The following SRRM4 variants were observed in gnomAD, a reference collection of about 807,000 sequenced individuals.
SRRM4 encodes the protein serine/arginine repetitive matrix 4, also known as serine/arginine repetitive matrix protein 4.
SRRM4 carries 33 observed loss-of-function variants against 68.9 expected under a neutral mutation model. That is an observed-to-expected ratio of 0.48 (90% CI 0.36 to 0.64). SRRM4 has a LOEUF of 0.64. Ranked by LOEUF, SRRM4 falls within the 30% of genes least tolerant of loss-of-function variation. The pLI, the probability that SRRM4 is intolerant of heterozygous loss-of-function variation, is 0.00. For synonymous variants in SRRM4, 318 were observed against 318.8 expected, an observed-to-expected ratio of 1.00 and a Z score of 0.03; for missense variants, 817 against 827.1, an observed-to-expected ratio of 0.99 and a Z score of 0.15.
At chr12:119,083,789 T>C (rs1010523311) in intron 1 of SRRM4, among the ~76,000 whole-genome samples, 10 of 152,170 alleles carry the variant, frequency 6.6e-5, no homozygotes, top group African/African-American at 1.7e-4. Flanking sequence ...AGAACATTGC[T>C]AGGTGCCTAC....
chr12:119,130,551 T>C (rs1954290567), intron 7 of SRRM4, 127 bp from the exon 8 acceptor site: 1 of 835,158 alleles, frequency 1.2e-6, no homozygotes, highest in African/African-American at 1.7e-5. Flanking sequence ...AGGAACAATA[T>C]CACATATGAA....
At chr12:119,147,168 A>G (rs1954408502) in intron 9 of SRRM4, among the ~76,000 whole-genome samples, 2 of 152,346 alleles carry the variant, frequency 1.3e-5, no homozygotes, top group Non-Finnish European at 2.9e-5. Context: ...AAAGACATGG[A>G]GGAAATGTAA....
rs772511707 is a variant in SRRM4, at chr12:119,145,704, G to C, written c.1076+19G>C. On this transcript the variant is annotated intron_variant, in intron 9 of 12. Coordinates refer to ENST00000267260, the MANE Select transcript of SRRM4 (RefSeq NM_194286.4). ...AGTCAAGGTCAGTGCACCACACAGG[G>C]TCGGGGGTAGACGGTCTCCCACCTT... 6.0e-6 allele frequency: 9 copies of C among 1,489,144 alleles called. No homozygotes were observed. The highest frequency in any genetic ancestry group is 8.0e-6 in the Non-Finnish European group (9 of 1,119,898). 92.2% of individuals were successfully genotyped at this position (1,489,144 alleles called of 1,614,324 possible).
intron 1 of SRRM4, among the ~76,000 whole-genome samples, chr12:119,024,697 C>A (rs1234191403): frequency 1.3e-5 from 2 of 152,234 alleles, no homozygotes; most frequent in African/African-American, 4.8e-5. Context: ...CCTGTCTAAA[C>A]CCAAGGATGG....
At chr12:119,126,650 C>A (rs1436930184) in intron 7 of SRRM4, among the ~76,000 whole-genome samples, 2 of 152,128 alleles carry the variant, frequency 1.3e-5, no homozygotes, top group African/African-American at 4.8e-5. Flanking sequence ...GTTGTCCCAA[C>A]CTGAGAAGGC....
chr12:119,015,459 T>A (rs1953475302), intron 1 of SRRM4, among the ~76,000 whole-genome samples: 1 of 152,226 alleles, frequency 6.6e-6, no homozygotes. Flanking sequence ...AAATCTGTGC[T>A]GCTGTGCTCT....
intron 2 of SRRM4, among the ~76,000 whole-genome samples, chr12:119,102,799 A>T (rs1213389424): frequency 1.3e-5 from 2 of 152,148 alleles, no homozygotes; most frequent in Admixed American, 6.6e-5. Flanking sequence ...CTGTCTCAGG[A>T]GTTTCAGGTC....
At chr12:119,075,389 ATGAT>A (rs1953901608) in intron 1 of SRRM4, among the ~76,000 whole-genome samples, 3 of 125,792 alleles carry the variant, frequency 2.4e-5, no homozygotes, top group African/African-American at 9.6e-5. Context: ...GATGGTGAGG[ATGAT>A]GATGATGATG....
intron 9 of SRRM4, among the ~76,000 whole-genome samples, chr12:119,150,705 A>C (rs1199676205): frequency 6.6e-6 from 1 of 152,180 alleles, no homozygotes; most frequent in Non-Finnish European, 1.5e-5. Context: ...ATTTCTCACC[A>C]TGTAATCTGA....
Position 119,102,274 on chromosome 12 carries a change from A to G in SRRM4, c.170A>G (p.Asp57Gly). 1 of 1,613,822 alleles carries G rather than the reference A, an allele frequency of 6.2e-7. No homozygotes were observed. Among genetic ancestry groups the G allele is most frequent in the Non-Finnish European group, 8.5e-7 (1 of 1,179,808 alleles). The change falls in exon 2 of 13, where the codon GAT (aspartate) becomes GGT (glycine). Residue 57 changes from aspartate to glycine, a missense_variant. By Grantham distance (94) the Asp-to-Gly change is moderately conservative. Coordinates refer to ENST00000267260, the MANE Select transcript of SRRM4 (RefSeq NM_194286.4). ...PQNNPVVPAQ[D>G]GPSEKLGQHL... Reference sequence around the variant, plus strand: ...AATAACCCCGTTGTCCCAGCTCAGGATGGACCCTCAGAAAAGCTGGGTCAG... The same window carrying G: ...AATAACCCCGTTGTCCCAGCTCAGGGTGGACCCTCAGAAAAGCTGGGTCAG...
At chr12:119,123,935 G>A (rs1954240333) in intron 6 of SRRM4, among the ~76,000 whole-genome samples, 2 of 152,156 alleles carry the variant, frequency 1.3e-5, no homozygotes, top group African/African-American at 4.8e-5. Flanking sequence ...GGGAACACAG[G>A]CACTGGGAAA....
Position 119,151,199 on chromosome 12 carries a change from G to T in SRRM4, c.1259G>T (p.Arg420Leu). 9 of 1,613,968 alleles carry T rather than the reference G, an allele frequency of 5.6e-6. No individual in the cohort carries two copies. The highest frequency in any genetic ancestry group is 1.1e-5 in the South Asian group (1 of 91,080). ...GCTTCCCCCAGGTACACCCAAAGCC[G>T]ATCCACCTCTTCTGAAAAAAGGTGA... ...PRASPRYTQS[R>L]STSSEKRSYS... The change falls in exon 10 of 13, where the codon CGA becomes CTA. Residue 420 changes from arginine (R) to leucine (L), a missense_variant. Physicochemically the swap from Arg to Leu is moderately radical, Grantham distance 102. Transcript: ENST00000267260.
intron 1 of SRRM4, 46 bp from the exon 2 acceptor site, chr12:119,102,190 C>T: frequency 6.5e-7 from 1 of 1,535,892 alleles, no homozygotes; most frequent in Non-Finnish European, 8.9e-7. Context: ...CATTAAGTGT[C>T]TCTGTATATT....
At chr12:119,137,620 GAGAGAGAGAGAGA>G (rs763970792) in intron 8 of SRRM4, among the ~76,000 whole-genome samples, 1 of 136,888 alleles carries the variant, frequency 7.3e-6, no homozygotes, top group Admixed American at 7.3e-5. Context: ...GAGAGAGAGA[GAGAGAGAGAGAGA>G]GGAGATACTG....
At chr12:119,091,372 G>A (rs1469139812) in intron 1 of SRRM4, among the ~76,000 whole-genome samples, 2 of 152,172 alleles carry the variant, frequency 1.3e-5, no homozygotes, top group Non-Finnish European at 2.9e-5. Context: ...CAAGGCCTCA[G>A]TGTAGGGGGA....
At chr12:119,145,175 C>T (rs1954392823) in intron 8 of SRRM4, among the ~76,000 whole-genome samples, 1 of 151,854 alleles carries the variant, frequency 6.6e-6, no homozygotes, top group African/African-American at 2.4e-5. Context: ...TTCCAGTTAT[C>T]CTAGCAGGGG....
intron 6 of SRRM4, among the ~76,000 whole-genome samples, chr12:119,123,025 T>C (rs372793085): frequency 1.5e-4 from 23 of 152,178 alleles, no homozygotes; most frequent in African/African-American, 5.6e-4. Flanking sequence ...CCTACCTACT[T>C]TATATCCTGC....
Position 119,064,973 on chromosome 12 carries a change from C to T in SRRM4, c.132-37263C>T, listed in dbSNP as rs189156122. 4.3e-4 allele frequency among the ~76,000 whole-genome samples: 66 copies of T among 152,228 alleles called. 1 individual carries two copies. The highest frequency in any genetic ancestry group is 3.7e-3 in the South Asian group (18 of 4,828). On this transcript the variant is annotated intron_variant, in intron 1 of 12. Transcript: ENST00000267260. ...TTCCCCTGCTTTACTGATAACAATA[C>T]GAGTTATGATTTGCTTAGCATTTAA...
At position 119,156,718 on chromosome 12, in the gene SRRM4, AGGAGCC is replaced by A. The variant is rs757402326; in HGVS notation, c.1774_1779del (p.Arg594_Ser595del). 107 of 1,545,032 alleles carry A rather than the reference AGGAGCC, an allele frequency of 6.9e-5. No individual in the cohort carries two copies. The highest frequency in any genetic ancestry group is 3.5e-4 in the Admixed American group (18 of 50,756). ...GGGCTCCCGCAGCCGGAGCCGGAGC[AGGAGCC>A]GGAGCCGGAGCCGGAGCAGGAGCCA... On this transcript the variant is annotated inframe_deletion, in exon 13 of 13. Transcript: ENST00000267260.
Sources: gnomAD v4.1 joint callset for allele counts (sites outside exome capture counted in the v4.1 genomes callset) on GRCh38, gnomAD v4.1.1 for gene constraint, MANE v1.5 for transcripts, NCBI Gene and HGNC (gene_info 2026-07-23, HGNC 2026-07-21) for gene names.